The following KCNQ1OT1 variants were observed in gnomAD, a reference collection of about 807,000 sequenced individuals.
The protein encoded by KCNQ1OT1 is KCNQ1 opposite strand/antisense transcript 1, also known as KCNQ1 antisense RNA 2 (non-protein coding).
At chr11:2,631,983 C>T in exon 1 of KCNQ1OT1, 1 of 396,378 alleles carries the variant, frequency 2.5e-6, no homozygotes, top group Non-Finnish European at 4.4e-6. Context: ...GAGATCGAGA[C>T]CATCCTGGCT....
exon 1 of KCNQ1OT1, chr11:2,633,185 A>G (rs890970366): frequency 1.8e-5 from 7 of 398,396 alleles, no homozygotes; most frequent in African/African-American, 1.2e-4. Context: ...ATTTTTTCAC[A>G]TACCTGTTGG....
exon 1 of KCNQ1OT1, chr11:2,646,912 T>C: frequency 1.3e-5 from 5 of 398,698 alleles, no homozygotes. Flanking sequence ...GGTTTTTCTA[T>C]GTATAAGATT....
exon 1 of KCNQ1OT1, chr11:2,619,497 G>T: frequency 2.5e-6 from 1 of 398,480 alleles, no homozygotes. Flanking sequence ...AATAAGATTT[G>T]CATGCCAGAA....
chr11:2,685,418 A>G lies in KCNQ1OT1; in HGVS notation n.14577T>C, dbSNP rs899471654. The stretch of plus-strand genomic sequence containing the variant: ...ATGTGTTTCCATGGGTCTCCTTCAC[A>G]TAGAATTGTCACCTGAACGAGAAGC... On this transcript the variant is annotated non_coding_transcript_exon_variant, in exon 1 of 1. Coordinates refer to ENST00000597346, the Ensembl canonical transcript of KCNQ1OT1. The G allele has an allele frequency of 1.0e-5, 4 of 398,574 alleles. No individual in the cohort carries two copies. The East Asian group carries it at 1.4e-4, about 14-fold the overall frequency. The allele number at this position is 398,574 out of a possible 1,614,324, so 24.7% of individuals were successfully genotyped here.
Position 2,661,707 on chromosome 11 carries a change from C to G in KCNQ1OT1, n.38288G>C. The G allele has an allele frequency of 4.9e-6, 3 of 610,366 alleles. No homozygotes were observed. The allele number at this position is 610,366 out of a possible 1,614,324, so 37.8% of individuals were successfully genotyped here. A position where few individuals can be genotyped will look rare whatever the true frequency, so the allele number is the denominator to read the frequency against. ...AGAGTCTTGGACACCTGAGCACAGC[C>G]CCAGGCACAGTTACCACTCCGAAGA... is the stretch of plus-strand genomic sequence containing the variant. On this transcript the variant is annotated non_coding_transcript_exon_variant, in exon 1 of 1. Transcript: ENST00000597346. This position sits in a 1 kb window ranked among gnomAD's most constrained non-coding sequence, Gnocchi z 5.9.
chr11:2,662,946 G>A, exon 1 of KCNQ1OT1: 1 of 398,640 alleles, frequency 2.5e-6, no homozygotes, highest in Non-Finnish European at 4.4e-6. Flanking sequence ...TTGTCGTAGT[G>A]AGGCCCTGGG....
At chr11:2,680,830 T>C (rs1051098310) in exon 1 of KCNQ1OT1, 1 of 398,596 alleles carries the variant, frequency 2.5e-6, no homozygotes, top group Non-Finnish European at 4.4e-6. Flanking sequence ...AATCACCTTT[T>C]TGGGATCGGC....
In KCNQ1OT1 at chr11:2,690,231, C is replaced by T. The variant is rs1850566234; in HGVS notation, n.9764G>A. 2.5e-6 allele frequency: 1 copy of T among 398,682 alleles called. No individual in the cohort carries two copies. The highest frequency in any genetic ancestry group is 1.3e-4 in the South Asian group (1 of 7,864). 24.7% of individuals were successfully genotyped at this position (398,682 alleles called of 1,614,324 possible). On this transcript the variant is annotated non_coding_transcript_exon_variant, in exon 1 of 1. Coordinates refer to ENST00000597346, the Ensembl canonical transcript of KCNQ1OT1. This position sits in a 1 kb window ranked among gnomAD's most constrained non-coding sequence, Gnocchi z 5.1. ...GTGTCAAGTGCCTGGTGACCTCAAG[C>T]AAGTCATTCCATGTGGCTGAGCTGC...
At chr11:2,622,137 A>G in exon 1 of KCNQ1OT1, 1 of 398,352 alleles carries the variant, frequency 2.5e-6, no homozygotes, top group Non-Finnish European at 4.4e-6. Context: ...TCTACCCATT[A>G]CTGAAAGTAC....
chr11:2,695,011 G>A lies in KCNQ1OT1; in HGVS notation n.4984C>T. 1 of 398,706 alleles carries A rather than the reference G, an allele frequency of 2.5e-6. No individual in the cohort carries two copies. Among genetic ancestry groups the A allele is most frequent in the East Asian group, 3.6e-5 (1 of 28,078 alleles). 24.7% of individuals were successfully genotyped at this position (398,706 alleles called of 1,614,324 possible). A position where few individuals can be genotyped will look rare whatever the true frequency, so the allele number is the denominator to read the frequency against. On this transcript the variant is annotated non_coding_transcript_exon_variant, in exon 1 of 1. Transcript: ENST00000597346. This position sits in a 1 kb window ranked among gnomAD's most constrained non-coding sequence, Gnocchi z 5.2. ...GCAGAGCCAAAGCTCAGTGAGGGAG[G>A]ACAGTGGTCAGAGAGGTAAGCAGGG...
exon 1 of KCNQ1OT1, chr11:2,697,378 C>T (rs1850695429): frequency 2.5e-6 from 1 of 398,452 alleles, no homozygotes; most frequent in Non-Finnish European, 4.4e-6. Flanking sequence ...CTCACATCCC[C>T]ATTTCTTTTT....
At chr11:2,619,988 A>G in exon 1 of KCNQ1OT1, 1 of 398,326 alleles carries the variant, frequency 2.5e-6, no homozygotes, top group South Asian at 1.3e-4. Flanking sequence ...CATAGTACCC[A>G]ATAGGTAGGT....
chr11:2,698,845 G>A lies in KCNQ1OT1; in HGVS notation n.1150C>T, dbSNP rs1269667797. The A allele has an allele frequency of 5.0e-6, 2 of 398,442 alleles. No homozygotes were observed. Among genetic ancestry groups the A allele is most frequent in the Non-Finnish European group, 4.4e-6 (1 of 226,178 alleles). 24.7% of individuals were successfully genotyped at this position (398,442 alleles called of 1,614,324 possible). The stretch of plus-strand genomic sequence containing the variant: ...GAGGCCCTACCTAAAACCACCATGC[G>A]GACTCCAGACCCGGACTGACTGGGA... On this transcript the variant is annotated non_coding_transcript_exon_variant, in exon 1 of 1. Coordinates refer to ENST00000597346, the Ensembl canonical transcript of KCNQ1OT1. This position sits in a 1 kb window ranked among gnomAD's most constrained non-coding sequence, Gnocchi z 5.1.
At chr11:2,629,597 C>T (rs868167495) in exon 1 of KCNQ1OT1, 1 of 398,444 alleles carries the variant, frequency 2.5e-6, no homozygotes, top group Non-Finnish European at 4.4e-6. Flanking sequence ...AATCCATTTG[C>T]CATTGAATGG....
chr11:2,678,889 T>C lies in KCNQ1OT1; in HGVS notation n.21106A>G. The C allele has an allele frequency of 2.5e-6, 1 of 398,580 alleles. No homozygotes were observed. Among genetic ancestry groups the C allele is most frequent in the Non-Finnish European group, 4.4e-6 (1 of 226,068 alleles). The allele number at this position is 398,580 out of a possible 1,614,324, so 24.7% of individuals were successfully genotyped here. A position where few individuals can be genotyped will look rare whatever the true frequency, so the allele number is the denominator to read the frequency against. On this transcript the variant is annotated non_coding_transcript_exon_variant, in exon 1 of 1. Coordinates refer to ENST00000597346, the Ensembl canonical transcript of KCNQ1OT1. The surrounding 1 kb of genome is among the most constrained non-coding windows in gnomAD (Gnocchi z 4.9). ...AGTTGCCAGCTGGACCCAAGGACCA[T>C]TTCGTATACATGTATGATCATACTT...
At chr11:2,639,915 G>C (rs1019983954) in exon 1 of KCNQ1OT1, 2 of 153,322 alleles carry the variant, frequency 1.3e-5, no homozygotes, top group African/African-American at 4.8e-5. Flanking sequence ...GCAATGGCAG[G>C]CTCCCCCAGC....
At chr11:2,635,598 T>C (rs895029110) in exon 1 of KCNQ1OT1, 4 of 152,210 alleles carry the variant, frequency 2.6e-5, no homozygotes, top group Non-Finnish European at 5.9e-5. Flanking sequence ...TGTAGTATAG[T>C]TTGAAGTCAG....
chr11:2,634,050 T>C (rs1467843838), exon 1 of KCNQ1OT1: 1 of 398,586 alleles, frequency 2.5e-6, no homozygotes, highest in Non-Finnish European at 4.4e-6. Context: ...CTGCTCAGTA[T>C]TGTTTGTCCT....
At chr11:2,660,443 T>C (rs1849931505) in exon 1 of KCNQ1OT1, 1 of 398,602 alleles carries the variant, frequency 2.5e-6, no homozygotes, top group African/African-American at 2.1e-5. Flanking sequence ...TTTTCTAGGA[T>C]AAAAGCAACA....
Sources: allele counts gnomAD v4.1 joint callset, GRCh38; gene constraint gnomAD v4.1.1; non-coding constraint Gnocchi (gnomAD v3.1); transcripts MANE v1.5; gene names NCBI Gene and HGNC (gene_info 2026-07-23, HGNC 2026-07-21).